The following RNF2 variants were observed in gnomAD, a reference collection of about 807,000 sequenced individuals.
RNF2 encodes the protein E3 ubiquitin-protein ligase RING2.
In RNF2, 6 loss-of-function variants were observed where a neutral mutation model predicts 37.2. That is an observed-to-expected ratio of 0.16 (90% confidence interval 0.09 to 0.32). RNF2 has a LOEUF of 0.32. Ranked by LOEUF, RNF2 falls within the 10% of genes least tolerant of loss-of-function variation. The pLI, the probability that RNF2 is intolerant of heterozygous loss-of-function variation, is 1.00. For synonymous variants in RNF2, 133 were observed against 132.7 expected (o/e 1.00, Z -0.02); for missense variants, 251 against 404.0 (o/e 0.62, Z 3.25).
chr1:185,053,507 TTTTC>T (rs1318532822), intron 1 of RNF2, among the ~76,000 whole-genome samples: 109 of 152,072 alleles, frequency 7.2e-4, no homozygotes, highest in African/African-American at 2.5e-3. Flanking sequence ...AATATTCTTA[TTTTC>T]TTTCTTTCTT....
chr1:185,051,528 T>C (rs537456764), intron 1 of RNF2, among the ~76,000 whole-genome samples: 5 of 152,288 alleles, frequency 3.3e-5, no homozygotes, highest in African/African-American at 7.2e-5. Flanking sequence ...AAGGGGTGTA[T>C]GTGAAGAAAA....
chr1:185,063,636 A>G (rs534101857), intron 1 of RNF2, among the ~76,000 whole-genome samples: 83 of 152,292 alleles, frequency 5.5e-4, no homozygotes, highest in African/African-American at 1.8e-3. Context: ...CAAACTTACT[A>G]TTTTACAGTT....
At chr1:185,091,818 CTTTTT>C in intron 3 of RNF2, 79 bp downstream of exon 3, 3 of 1,056,056 alleles carry the variant, frequency 2.8e-6, no homozygotes, top group Non-Finnish European at 4.0e-6. Context: ...AATACATTTT[CTTTTT>C]TTTTTTTTTG....
At position 185,100,467 on chromosome 1, in the gene RNF2, T is replaced by C; in HGVS notation, c.*166T>C. 2.4e-6 allele frequency: 1 copy of C among 420,650 alleles called. No individual in the cohort carries two copies. Among genetic ancestry groups the C allele is most frequent in the East Asian group, 3.6e-5 (1 of 27,830 alleles). The allele number at this position is 420,650 out of a possible 1,614,324, so 26.1% of individuals were successfully genotyped here. A position where few individuals can be genotyped will look rare whatever the true frequency, so the allele number is the denominator to read the frequency against. On this transcript the variant is annotated 3_prime_UTR_variant, in exon 7 of 7. Transcript: ENST00000367510. ...CAAATCTTTTCCCCTTTATTTAAGA[T>C]TTCCTTTTTGGAAGGGACTGCAATT...
chr1:185,061,032 G>A (rs1337225444), intron 1 of RNF2, among the ~76,000 whole-genome samples: 2 of 152,044 alleles, frequency 1.3e-5, no homozygotes, highest in Admixed American at 6.6e-5. Flanking sequence ...TGGGAGGATC[G>A]CTTGAGCCTA....
intron 5 of RNF2, among the ~76,000 whole-genome samples, chr1:185,099,276 G>A (rs1381826385): frequency 1.3e-5 from 2 of 152,084 alleles, no homozygotes; most frequent in East Asian, 1.9e-4. Flanking sequence ...TCGAACTCCT[G>A]ACCTCAAGTG....
intron 1 of RNF2, among the ~76,000 whole-genome samples, chr1:185,060,396 C>T (rs572698617): frequency 3.6e-4 from 55 of 152,276 alleles, no homozygotes; most frequent in African/African-American, 1.3e-3. Flanking sequence ...CATAAGTATA[C>T]TCCCTTGTTT....
At chr1:185,071,801 T>G (rs1259332567) in intron 1 of RNF2, 2 of 153,218 alleles carry the variant, frequency 1.3e-5, no homozygotes, top group Non-Finnish European at 2.9e-5. Flanking sequence ...GTATAATACG[T>G]GCTCCATTGT....
At chr1:185,054,787 T>C (rs1257452549) in intron 1 of RNF2, among the ~76,000 whole-genome samples, 4 of 152,234 alleles carry the variant, frequency 2.6e-5, no homozygotes, top group Non-Finnish European at 5.9e-5. Context: ...ATCCTCCGCC[T>C]GCCGGGGTCA....
chr1:185,099,487 C>T (rs996545120), intron 5 of RNF2, among the ~76,000 whole-genome samples: 14 of 152,050 alleles, frequency 9.2e-5, no homozygotes, highest in Non-Finnish European at 1.9e-4. Flanking sequence ...TCCTTTTTTT[C>T]CCCTTAGTAC....
chr1:185,097,398 A>G (rs544078075), intron 4 of RNF2, among the ~76,000 whole-genome samples: 27 of 152,372 alleles, frequency 1.8e-4, no homozygotes, highest in Admixed American at 1.7e-3. Context: ...ATTTCTTTAA[A>G]GAGGCATAAA....
chr1:185,049,748 C>T (rs558615734), intron 1 of RNF2, among the ~76,000 whole-genome samples: 313 of 151,936 alleles, frequency 2.1e-3, no homozygotes, highest in African/African-American at 7.2e-3. Context: ...TCTATGGACC[C>T]GGTGCTGGAC....
Position 185,100,287 on chromosome 1 carries a change from A to C in RNF2, c.997A>C (p.Lys333Gln), listed in dbSNP as rs1652041583. 1.9e-6 allele frequency: 3 copies of C among 1,609,176 alleles called. No individual in the cohort carries two copies. Among genetic ancestry groups the C allele is most frequent in the Non-Finnish European group, 2.5e-6 (3 of 1,178,340 alleles). ...KPMELYYAPT[K>Q]EHK The stretch of plus-strand genomic sequence containing the variant: ...CATGGAACTTTATTACGCACCTACA[A>C]AGGAGCACAAATGAGCCTTTAAAAA... Residue 333 changes from lysine (K) to glutamine (Q), a missense_variant, in exon 7 of 7, where the codon AAG (lysine) becomes CAG (glutamine). Coordinates refer to ENST00000367510, the MANE Select transcript of RNF2 (RefSeq NM_007212.4).
At chr1:185,063,482 A>T (rs904667784) in intron 1 of RNF2, among the ~76,000 whole-genome samples, 4 of 152,344 alleles carry the variant, frequency 2.6e-5, no homozygotes, top group Admixed American at 6.5e-5. Context: ...AGAAGATAAG[A>T]CTATTGAGCA....
Position 185,045,975 on chromosome 1 carries a change from G to C in RNF2, c.-3+326G>C, listed in dbSNP as rs1571285999. The stretch of plus-strand genomic sequence containing the variant: ...CTGCCCTTTCCTCTGCGCGGAGGCC[G>C]GCGCTGCGGCGCGGTCCCCTCGCCT... On this transcript the variant is annotated intron_variant, in intron 1 of 6. Transcript: ENST00000367510. 3.9e-5 allele frequency: 6 copies of C among 152,258 alleles called. No individual in the cohort carries two copies. The South Asian group carries it at 1.2e-3, about 32-fold the overall frequency. 9.4% of individuals were successfully genotyped at this position (152,258 alleles called of 1,614,324 possible).
At chr1:185,075,658 C>G (rs1420981130) in intron 1 of RNF2, among the ~76,000 whole-genome samples, 2 of 152,102 alleles carry the variant, frequency 1.3e-5, no homozygotes, top group Non-Finnish European at 2.9e-5. Flanking sequence ...ATGTCTGGAG[C>G]AGGAGGAAGA....
At chr1:185,052,411 CAT>C (rs533510448) in intron 1 of RNF2, among the ~76,000 whole-genome samples, 25 of 152,284 alleles carry the variant, frequency 1.6e-4, no homozygotes, top group African/African-American at 4.6e-4. Context: ...AGTACTGACA[CAT>C]GTTACAATGT....
intron 1 of RNF2, among the ~76,000 whole-genome samples, chr1:185,052,548 G>T (rs1650301763): frequency 6.6e-6 from 1 of 152,180 alleles, no homozygotes; most frequent in African/African-American, 2.4e-5. Context: ...CCAGAGGTTT[G>T]GGAGATGGGG....
chr1:185,058,372 A>T (rs563179650), intron 1 of RNF2, among the ~76,000 whole-genome samples: 1 of 152,186 alleles, frequency 6.6e-6, no homozygotes, highest in Non-Finnish European at 1.5e-5. Flanking sequence ...TGTACTCTGT[A>T]ATTTTGTGTG....
Sources: gnomAD v4.1 joint callset for allele counts (sites outside exome capture counted in the v4.1 genomes callset) on GRCh38, gnomAD v4.1.1 for gene constraint, MANE v1.5 for transcripts, NCBI Gene and HGNC (gene_info 2026-07-23, HGNC 2026-07-21) for gene names.